The following TBC1D13 variants were observed in gnomAD, a reference collection of about 807,000 sequenced individuals.
TBC1D13 encodes the protein epididymis secretory sperm binding protein.
Under a neutral mutation model 53.6 loss-of-function variants are expected in TBC1D13, and 40 were observed. The observed-to-expected ratio is 0.75, with a 90% confidence interval of 0.58 to 0.97. TBC1D13 has a LOEUF of 0.97. Among genes scored for constraint, TBC1D13 ranks in the 50% least tolerant of loss-of-function variants. TBC1D13 has a pLI of 0.00. For missense variants in TBC1D13, 377 were observed against 499.4 expected, an observed-to-expected ratio of 0.75 and a Z score of 2.34; for synonymous variants, 182 against 197.7, an observed-to-expected ratio of 0.92 and a Z score of 0.67.
intron 6 of TBC1D13, among the ~76,000 whole-genome samples, chr9:128,793,650 C>T (rs1410244117): frequency 1.3e-5 from 2 of 152,206 alleles, no homozygotes; most frequent in Non-Finnish European, 2.9e-5. Context: ...TACAGAGGCC[C>T]TTAGAATGAT....
chr9:128,803,229 GCTCCTCCTCTT>G lies in TBC1D13; in HGVS notation c.544-13_544-3del. ...ACCCCAGCATTGTCTTTCTTGATGG[GCTCCTCCTCTT>G]CTCCTCCAGATGAGCTCCCCACACA... On this transcript the variant is annotated splice_polypyrimidine_tract_variant and intron_variant, in intron 7 of 11. Coordinates refer to ENST00000372648, the MANE Select transcript of TBC1D13 (RefSeq NM_018201.5). 1 of 1,608,738 alleles carries G rather than the reference GCTCCTCCTCTT, an allele frequency of 6.2e-7. No homozygotes were observed. The highest frequency in any genetic ancestry group is 1.7e-4 in the Middle Eastern group (1 of 6,056).
intron 2 of TBC1D13, among the ~76,000 whole-genome samples, chr9:128,788,971 T>C (rs1239094608): frequency 6.6e-6 from 1 of 152,214 alleles, no homozygotes; most frequent in Non-Finnish European, 1.5e-5. Context: ...TTTTAAAAAA[T>C]ATCCCAACGT....
intron 4 of TBC1D13, 72 bp downstream of exon 4, chr9:128,791,513 C>G: frequency 6.2e-7 from 1 of 1,606,850 alleles, no homozygotes; most frequent in Non-Finnish European, 8.5e-7. Context: ...TGGGGCCGCC[C>G]TGCCTCCTGC....
intron 7 of TBC1D13, among the ~76,000 whole-genome samples, chr9:128,799,598 G>C (rs546787891): frequency 1.9e-3 from 295 of 152,318 alleles, no homozygotes; most frequent in Middle Eastern, 0.014. Flanking sequence ...CCTAATGTTA[G>C]ACATTTAAGG....
At chr9:128,789,253 T>A (rs185733786) in intron 2 of TBC1D13, among the ~76,000 whole-genome samples, 15 of 139,010 alleles carry the variant, frequency 1.1e-4, no homozygotes, top group Admixed American at 8.1e-5. Flanking sequence ...AACCTGGGAA[T>A]TGCAGTGAGC....
At chr9:128,805,828 A>G in intron 9 of TBC1D13, 31 bp from the exon 10 acceptor site, 1 of 1,605,350 alleles carries the variant, frequency 6.2e-7, no homozygotes, top group Non-Finnish European at 8.5e-7. Context: ...ACACAGAGTC[A>G]TGCCCCCCAC....
At position 128,797,040 on chromosome 9, in the gene TBC1D13, GT is replaced by G. The variant is rs763955550; in HGVS notation, c.384-13del. ...ACCTTGAGTAACAAGATTATTTCCTGTTCCCTCTTGACAGGAGGTTGTGCCC... is the reference window on the plus strand; with the variant it reads ...ACCTTGAGTAACAAGATTATTTCCTGTCCCTCTTGACAGGAGGTTGTGCCC... On this transcript the variant is annotated splice_polypyrimidine_tract_variant and intron_variant, in intron 6 of 11. Transcript: ENST00000372648. 6.2e-7 allele frequency: 1 copy of G among 1,613,532 alleles called. No individual in the cohort carries two copies.
In TBC1D13 at chr9:128,808,218, TC is replaced by T; in HGVS notation, c.*340del. On this transcript the variant is annotated 3_prime_UTR_variant, in exon 12 of 12. Transcript: ENST00000372648. ...TGCCGCCCCAGCCTCAGTTCCTGCT[TC>T]TGGTCTTCTCCTGGGCTCCACTCAG... is the stretch of plus-strand genomic sequence containing the variant. 2.9e-6 allele frequency: 1 copy of T among 340,724 alleles called. No homozygotes were observed. 21.1% of individuals were successfully genotyped at this position (340,724 alleles called of 1,614,324 possible).
chr9:128,797,301 G>A (rs540037826), intron 7 of TBC1D13, 87 bp downstream of exon 7: 82 of 1,405,914 alleles, frequency 5.8e-5, no homozygotes, highest in Admixed American at 5.1e-4. Flanking sequence ...AAGGTGTCGG[G>A]CCATGACCAT....
At chr9:128,806,161 A>G (rs773822980) in intron 10 of TBC1D13, 93 bp from the exon 11 acceptor site, 248 of 1,604,898 alleles carry the variant, frequency 1.5e-4, no homozygotes, top group Non-Finnish European at 2.0e-4. Context: ...GAGGGCGACA[A>G]ACCAAACTTG....
intron 5 of TBC1D13, 63 bp from the exon 6 acceptor site, chr9:128,792,429 G>T (rs949383219): frequency 5.4e-6 from 8 of 1,493,514 alleles, no homozygotes; most frequent in Non-Finnish European, 7.4e-6. Context: ...AGGTTTCCGG[G>T]ATAGAATCGG....
intron 5 of TBC1D13, 88 bp downstream of exon 5, chr9:128,791,781 G>T: frequency 8.7e-7 from 1 of 1,155,874 alleles, no homozygotes; most frequent in East Asian, 2.4e-5. Flanking sequence ...GCATGCCAGG[G>T]GGTAGGTGCA....
intron 11 of TBC1D13, 37 bp from the exon 12 acceptor site, chr9:128,807,777 G>T: frequency 6.2e-7 from 1 of 1,610,064 alleles, no homozygotes; most frequent in Non-Finnish European, 8.5e-7. Flanking sequence ...GGGTGAAGTG[G>T]CTTCAGAGGC....
chr9:128,794,139 G>A (rs1829583444), intron 6 of TBC1D13, among the ~76,000 whole-genome samples: 1 of 152,200 alleles, frequency 6.6e-6, no homozygotes, highest in Admixed American at 6.5e-5. Context: ...CAGCAAGCTG[G>A]GTGGAAGAGT....
Position 128,808,224 on chromosome 9 carries a change from CTT to C in TBC1D13, c.*346_*347del. On this transcript the variant is annotated 3_prime_UTR_variant, in exon 12 of 12. Transcript: ENST00000372648. ...CCCAGCCTCAGTTCCTGCTTCTGGT[CTT>C]CTCCTGGGCTCCACTCAGGGGAGGT... The C allele has an allele frequency of 3.0e-6, 1 of 334,644 alleles. No homozygotes were observed. Among genetic ancestry groups the C allele is most frequent in the Non-Finnish European group, 5.8e-6 (1 of 171,884 alleles). 20.7% of individuals were successfully genotyped at this position (334,644 alleles called of 1,614,324 possible).
intron 1 of TBC1D13, among the ~76,000 whole-genome samples, chr9:128,787,778 C>A (rs1444823001): frequency 6.6e-6 from 1 of 152,046 alleles, no homozygotes; most frequent in Non-Finnish European, 1.5e-5. Context: ...CTGGCCCCTC[C>A]CCCAGGCCAG....
rs1332671156 is a variant in TBC1D13, at chr9:128,804,556, G to A, written c.918+437G>A. ...CAAGCAGCTGGGACTACAGGCACCC[G>A]CCACTGTGCCCGGCTAATTTTTTGT... On this transcript the variant is annotated intron_variant, in intron 9 of 11. Transcript: ENST00000372648. 3.3e-5 allele frequency among the ~76,000 whole-genome samples: 5 copies of A among 151,320 alleles called. No individual in the cohort carries two copies. In the South Asian group the frequency reaches 6.3e-4, roughly 19 times the overall value.
intron 7 of TBC1D13, among the ~76,000 whole-genome samples, chr9:128,799,196 C>T (rs192596361): frequency 2.0e-5 from 3 of 152,266 alleles, no homozygotes; most frequent in East Asian, 3.9e-4. Context: ...GCTGAAGGGC[C>T]GGGAGGGGAC....
At chr9:128,790,162 C>G (rs1224454394) in intron 2 of TBC1D13, among the ~76,000 whole-genome samples, 1 of 145,896 alleles carries the variant, frequency 6.9e-6, no homozygotes, top group Non-Finnish European at 1.5e-5. Context: ...AAGGCTGAGG[C>G]AGAAGAATTA....
Sources: gnomAD v4.1 joint callset for allele counts (sites outside exome capture counted in the v4.1 genomes callset) on GRCh38, gnomAD v4.1.1 for gene constraint, MANE v1.5 for transcripts, NCBI Gene and HGNC (gene_info 2026-07-23, HGNC 2026-07-21) for gene names.